The following LYST variants were observed in gnomAD, a reference collection of about 807,000 sequenced individuals.
LYST encodes lysosomal trafficking regulator.
Under a neutral mutation model 413.6 loss-of-function variants are expected in LYST, and 192 were observed. The observed-to-expected ratio is 0.46, with a 90% CI of 0.41 to 0.52. LYST has a LOEUF of 0.52. Ranked by LOEUF, LYST falls within the 20% of genes least tolerant of loss-of-function variation. The pLI, the probability that LYST is intolerant of heterozygous loss-of-function variation, is 0.00. For missense variants in LYST, 3,815 were observed against 4,499.9 expected, an observed-to-expected ratio of 0.85 and a Z score of 4.35; for synonymous variants, 1,525 against 1,567.3, an observed-to-expected ratio of 0.97 and a Z score of 0.64.
chr1:235,858,294 T>C (rs1244049208), intron 1 of LYST, among the ~76,000 whole-genome samples: 1 of 152,200 alleles, frequency 6.6e-6, no homozygotes, highest in Non-Finnish European at 1.5e-5. Context: ...ATCTGTAAAA[T>C]GTTGATACTA....
rs542665342 is a variant in LYST, at chr1:235,851,167, A to T, written c.-98+15676T>A. On this transcript the variant is annotated intron_variant, in intron 1 of 52. Coordinates refer to ENST00000389793, the MANE Select transcript of LYST (RefSeq NM_000081.4). ...GTGAATAAAGAAACTGTGGTATGTA[A>T]GTATGTATGTATATGTGTGTGTATA... 2.7e-5 allele frequency among the ~76,000 whole-genome samples: 4 copies of T among 146,556 alleles called. No individual in the cohort carries two copies. The South Asian group carries it at 9.4e-4, about 35-fold the overall frequency.
chr1:235,672,238 T>C (rs1004069062), intron 50 of LYST, among the ~76,000 whole-genome samples: 2 of 152,104 alleles, frequency 1.3e-5, no homozygotes, highest in African/African-American at 4.8e-5. Flanking sequence ...AGGGTATAAT[T>C]TGGAACTGGA....
chr1:235,798,576 C>CTTAA (rs1558261064), intron 10 of LYST, among the ~76,000 whole-genome samples: 3 of 24,544 alleles, frequency 1.2e-4, no homozygotes, highest in African/African-American at 1.4e-4. Flanking sequence ...AAAACCCTGT[C>CTTAA]ATAAAAAAAA....
intron 1 of LYST, among the ~76,000 whole-genome samples, chr1:235,838,511 G>C (rs1439318087): frequency 1.3e-5 from 2 of 152,170 alleles, no homozygotes; most frequent in Non-Finnish European, 2.9e-5. Flanking sequence ...TTTTCTTTAA[G>C]TATAATATTT....
intron 3 of LYST, among the ~76,000 whole-genome samples, chr1:235,818,041 A>G (rs1329350356): frequency 2.0e-5 from 3 of 152,174 alleles, no homozygotes; most frequent in African/African-American, 7.2e-5. Context: ...TGCAATGTAC[A>G]TCTTTCCAGA....
At chr1:235,847,457 C>T (rs966557440) in intron 1 of LYST, among the ~76,000 whole-genome samples, 3 of 151,936 alleles carry the variant, frequency 2.0e-5, no homozygotes, top group Admixed American at 1.3e-4. Flanking sequence ...GCCTATAGAA[C>T]AAAAATGCAA....
chr1:235,715,885 ATGG>A (rs1662797973), intron 41 of LYST, among the ~76,000 whole-genome samples: 1 of 151,468 alleles, frequency 6.6e-6, no homozygotes, highest in Non-Finnish European at 1.5e-5. Flanking sequence ...AAAAAAGAAT[ATGG>A]TGATTTTTCA....
At chr1:235,770,825 A>T (rs1253373664) in intron 19 of LYST, among the ~76,000 whole-genome samples, 1 of 152,192 alleles carries the variant, frequency 6.6e-6, no homozygotes, top group South Asian at 2.1e-4. Flanking sequence ...ATTACAAACT[A>T]TGCACTTCAA....
chr1:235,802,658 C>T lies in LYST; in HGVS notation c.3712+250G>A, dbSNP rs528161551. ...TTATTGTCTTTCACACTAGAATATA[C>T]ATGAAATTGGGGACTCTGTCCTTCA... On this transcript the variant is annotated intron_variant, in intron 8 of 52. Coordinates refer to ENST00000389793, the MANE Select transcript of LYST (RefSeq NM_000081.4). 8.5e-5 allele frequency among the ~76,000 whole-genome samples: 13 copies of T among 152,278 alleles called. No homozygotes were observed. The South Asian group carries it at 1.9e-3, about 22-fold the overall frequency.
In LYST at chr1:235,752,131, G is replaced by A; in HGVS notation, c.7501C>T (p.Gln2501Ter). 6.2e-7 allele frequency: 1 copy of A among 1,611,478 alleles called. No individual in the cohort carries two copies. The highest frequency in any genetic ancestry group is 2.2e-5 in the East Asian group (1 of 44,756). The stretch of plus-strand genomic sequence containing the variant: ...ATTGTAACTGCTATGAAAAGTTGCT[G>A]TATATCACAAGCAAGCAATTTATAT... ...SEYKLLACDI[Q>*]QLFIAVTIHA... The change falls in exon 27 of 53, where the codon CAG (glutamine) becomes TAG (stop). Residue 2501 changes from glutamine (Q) to a stop codon, truncating the protein, a stop_gained. Transcript: ENST00000389793. LOFTEE classifies it high-confidence loss of function.
chr1:235,857,005 G>A (rs1487959279), intron 1 of LYST, among the ~76,000 whole-genome samples: 1 of 149,836 alleles, frequency 6.7e-6, no homozygotes, highest in Non-Finnish European at 1.5e-5. Context: ...GAATGCAGTG[G>A]TGCGATCTCG....
In LYST at chr1:235,759,616, C is replaced by CA; in HGVS notation, c.6254-18dup. The CA allele has an allele frequency of 1.3e-6, 2 of 1,594,144 alleles. No homozygotes were observed. The highest frequency in any genetic ancestry group is 1.1e-5 in the South Asian group (1 of 90,682). On this transcript the variant is annotated splice_polypyrimidine_tract_variant and intron_variant, in intron 22 of 52. Coordinates refer to ENST00000389793, the MANE Select transcript of LYST (RefSeq NM_000081.4). ...AATTCTCTCCTGGTAAGAGTAGATA[C>CA]AAAAATACTACTTAAAAATCTATTA... is the stretch of plus-strand genomic sequence containing the variant.
intron 41 of LYST, among the ~76,000 whole-genome samples, chr1:235,716,326 T>G (rs1185047637): frequency 6.6e-6 from 1 of 152,210 alleles, no homozygotes; most frequent in Non-Finnish European, 1.5e-5. Context: ...AATGCATAAT[T>G]TCCTGAATAT....
At chr1:235,855,245 A>C (rs1679035120) in intron 1 of LYST, among the ~76,000 whole-genome samples, 1 of 152,228 alleles carries the variant, frequency 6.6e-6, no homozygotes, top group Non-Finnish European at 1.5e-5. Context: ...CATCTAACAC[A>C]GTACCACAGA....
chr1:235,767,020 G>C (rs377737048), intron 20 of LYST, among the ~76,000 whole-genome samples: 3 of 152,042 alleles, frequency 2.0e-5, no homozygotes, highest in East Asian at 1.9e-4. Flanking sequence ...AAATATGTAG[G>C]TAGTACAATT....
chr1:235,706,227 G>A (rs1661977260), intron 44 of LYST, among the ~76,000 whole-genome samples: 1 of 152,196 alleles, frequency 6.6e-6, no homozygotes, highest in African/African-American at 2.4e-5. Context: ...CATACTGAAG[G>A]AATCTGAGGA....
intron 50 of LYST, among the ~76,000 whole-genome samples, chr1:235,667,345 G>T (rs1658576343): frequency 6.6e-6 from 1 of 152,186 alleles, no homozygotes; most frequent in Non-Finnish European, 1.5e-5. Context: ...TTGATCCAGT[G>T]ATAGAATGGT....
intron 50 of LYST, among the ~76,000 whole-genome samples, chr1:235,672,457 C>T (rs1462877327): frequency 6.6e-6 from 1 of 152,020 alleles, no homozygotes; most frequent in African/African-American, 2.4e-5. Flanking sequence ...CTGAAAGCCA[C>T]CAGAAGAAAG....
chr1:235,679,478 G>T (rs1478192331), intron 48 of LYST, among the ~76,000 whole-genome samples: 1 of 151,850 alleles, frequency 6.6e-6, no homozygotes, highest in African/African-American at 2.4e-5. Context: ...TGCTTTAAAT[G>T]ATATTTATTT....
Sources: gnomAD v4.1 joint callset for allele counts (sites outside exome capture counted in the v4.1 genomes callset) on GRCh38, gnomAD v4.1.1 for gene constraint, MANE v1.5 for transcripts, NCBI Gene and HGNC (gene_info 2026-07-23, HGNC 2026-07-21) for gene names.